ANGPTL2: variants seen among roughly 807,000 people sequenced by gnomAD.
The protein encoded by ANGPTL2 is angiopoietin-related protein 2.
ANGPTL2 carries 25 observed loss-of-function variants against 52.8 expected under a neutral mutation model. That is an observed-to-expected ratio of 0.47 (90% CI 0.35 to 0.66). The LOEUF (loss-of-function observed/expected upper bound fraction) is 0.66, where lower values mean the gene tolerates loss of function less well. ANGPTL2 is among the 30% of genes least tolerant of loss of function. The pLI, the probability that ANGPTL2 is intolerant of heterozygous loss-of-function variation, is 0.01. For missense variants in ANGPTL2, 546 were observed against 656.9 expected (o/e 0.83, Z 1.84); for synonymous variants, 276 against 277.4 (o/e 1.00, Z 0.05).
In ANGPTL2 at chr9:127,105,463, A is replaced by G. The variant is rs570998575; in HGVS notation, c.817+2452T>C. Among the ~76,000 whole-genome samples, 6 of 152,280 alleles carry G rather than the reference A, an allele frequency of 3.9e-5. No individual in the cohort carries two copies. In the South Asian group the frequency reaches 1.2e-3, roughly 32 times the overall value. On this transcript the variant is annotated intron_variant, in intron 2 of 4. Coordinates refer to ENST00000373425, the MANE Select transcript of ANGPTL2 (RefSeq NM_012098.3). Reference sequence around the variant, plus strand: ...GACTCATCTCCATCAGGGACCCACTAGTCACTTGGGTTCCCAACTCCCAGG... The same window carrying G: ...GACTCATCTCCATCAGGGACCCACTGGTCACTTGGGTTCCCAACTCCCAGG...
intron 2 of ANGPTL2, among the ~76,000 whole-genome samples, chr9:127,096,357 G>T (rs1433560351): frequency 6.6e-6 from 1 of 152,274 alleles, no homozygotes; most frequent in South Asian, 2.1e-4. Context: ...CACAGGAGAG[G>T]CCGTTCGATG....
chr9:127,109,560 G>A (rs148140881), intron 1 of ANGPTL2, among the ~76,000 whole-genome samples: 141 of 152,314 alleles, frequency 9.3e-4, no homozygotes, highest in Non-Finnish European at 1.8e-3. Flanking sequence ...GCACAGTCCT[G>A]ACCACTGCAA....
intron 1 of ANGPTL2, among the ~76,000 whole-genome samples, chr9:127,120,712 C>T (rs886994791): frequency 9.2e-5 from 14 of 151,964 alleles, no homozygotes; most frequent in African/African-American, 3.4e-4. Context: ...CCTGTAGCCC[C>T]AGCTACTCGG....
intron 3 of ANGPTL2, 74 bp downstream of exon 3, chr9:127,093,659 T>C: frequency 6.4e-7 from 1 of 1,557,468 alleles, no homozygotes; most frequent in East Asian, 2.2e-5. Context: ...GGCTCTTCTA[T>C]TGGTTGCTCA....
At chr9:127,089,225 C>T in intron 4 of ANGPTL2, 87 bp from the exon 5 acceptor site, 1 of 1,394,664 alleles carries the variant, frequency 7.2e-7, no homozygotes, top group South Asian at 1.2e-5. Context: ...GCAAAGCCCT[C>T]TCTGGGAGGC....
chr9:127,098,038 G>A (rs2053326947), intron 2 of ANGPTL2, among the ~76,000 whole-genome samples: 1 of 152,186 alleles, frequency 6.6e-6, no homozygotes, highest in African/African-American at 2.4e-5. Flanking sequence ...ATAGATGAAA[G>A]CTGACATTTT....
chr9:127,093,186 A>G (rs947552579), intron 3 of ANGPTL2, among the ~76,000 whole-genome samples: 3 of 152,130 alleles, frequency 2.0e-5, no homozygotes, highest in African/African-American at 7.2e-5. Context: ...TGTATGACTG[A>G]GTCCTGGCAA....
intron 1 of ANGPTL2, among the ~76,000 whole-genome samples, chr9:127,119,708 C>T (rs772488172): frequency 5.9e-5 from 9 of 152,162 alleles, no homozygotes; most frequent in Non-Finnish European, 1.2e-4. Flanking sequence ...TTGCTCTGCC[C>T]GTGAGCTTCA....
At chr9:127,112,419 C>T (rs926663483) in intron 1 of ANGPTL2, among the ~76,000 whole-genome samples, 2 of 152,232 alleles carry the variant, frequency 1.3e-5, no homozygotes, top group African/African-American at 2.4e-5. Flanking sequence ...GTGACAGACA[C>T]CTCTCTGTGC....
intron 4 of ANGPTL2, among the ~76,000 whole-genome samples, 200 bp from the exon 5 acceptor site, chr9:127,089,338 T>G (rs1345310348): frequency 6.6e-6 from 1 of 152,190 alleles, no homozygotes; most frequent in African/African-American, 2.4e-5. Flanking sequence ...TAACTAGCTG[T>G]GTGATCTCAG....
In ANGPTL2 at chr9:127,087,941, C is replaced by T. The variant is rs2051964913; in HGVS notation, c.*998G>A. 6.6e-6 allele frequency: 1 copy of T among 152,620 alleles called. No individual in the cohort carries two copies. Among genetic ancestry groups the T allele is most frequent in the South Asian group, 2.1e-4 (1 of 4,824 alleles). 9.5% of individuals were successfully genotyped at this position (152,620 alleles called of 1,614,324 possible). A position where few individuals can be genotyped will look rare whatever the true frequency, so the allele number is the denominator to read the frequency against. ...TAAAGTATGAATGGAAGATACAAAA[C>T]TGCGAGTACATTATCTATACGGCCG... On this transcript the variant is annotated 3_prime_UTR_variant, in exon 5 of 5. Coordinates refer to ENST00000373425, the MANE Select transcript of ANGPTL2 (RefSeq NM_012098.3).
At position 127,091,606 on chromosome 9, in the gene ANGPTL2, G is replaced by A; in HGVS notation, c.1282+64C>T. The stretch of plus-strand genomic sequence containing the variant: ...CCCGTTTCCAAGCCCTGGAGTCAGG[G>A]GCTCTGGCTCTGGTTGACCTCTTTT... On this transcript the variant is annotated intron_variant, in intron 4 of 4. Coordinates refer to ENST00000373425, the MANE Select transcript of ANGPTL2 (RefSeq NM_012098.3). This position sits in a 1 kb window ranked among gnomAD's most constrained non-coding sequence, Gnocchi z 4.3. The A allele has an allele frequency of 1.9e-6, 3 of 1,561,596 alleles. No homozygotes were observed. Among genetic ancestry groups the A allele is most frequent in the Non-Finnish European group, 2.6e-6 (3 of 1,153,202 alleles).
intron 3 of ANGPTL2, among the ~76,000 whole-genome samples, chr9:127,093,233 G>C (rs1328961528): frequency 6.6e-6 from 1 of 152,096 alleles, no homozygotes; most frequent in African/African-American, 2.4e-5. Flanking sequence ...TCAACTCCCT[G>C]GGAACCAGGG....
intron 2 of ANGPTL2, among the ~76,000 whole-genome samples, chr9:127,097,036 G>A (rs182846047): frequency 2.6e-5 from 4 of 152,310 alleles, no homozygotes; most frequent in East Asian, 3.9e-4. Flanking sequence ...CAACCAGAAC[G>A]AACTCAAGAA....
Position 127,088,859 on chromosome 9 carries a change from A to G in ANGPTL2, c.*80T>C, listed in dbSNP as rs971744244. On this transcript the variant is annotated 3_prime_UTR_variant, in exon 5 of 5. Transcript: ENST00000373425. ...CCAGCCTCAGGATGAACTGGTGAGG[A>G]GTTGTTCTTTGTGCTGTGGCCAGCG... is the stretch of plus-strand genomic sequence containing the variant. The G allele has an allele frequency of 1.1e-5, 16 of 1,518,812 alleles. No homozygotes were observed. Among genetic ancestry groups the G allele is most frequent in the Admixed American group, 1.7e-5 (1 of 59,172 alleles). The allele number at this position is 1,518,812 out of a possible 1,614,324, so 94.1% of individuals were successfully genotyped here.
rs7024286 is a variant in ANGPTL2 at position 127,089,014 on chromosome 9, A to C, written c.1407T>G (p.Ala469=). The C allele has an allele frequency of 2.0e-3, 3,209 of 1,614,224 alleles. 57 individuals carry two copies. In the African/African-American group the frequency reaches 0.039, roughly 20 times the overall value. Reference sequence around the variant, plus strand: ...GTGAGTAAGAGCCTCCTCGGAACTCAGCCCAGTAGACTCCGTCCTGGTAGC... The same window carrying C: ...GTGAGTAAGAGCCTCCTCGGAACTCCGCCCAGTAGACTCCGTCCTGGTAGC... The part of the protein sequence containing the change: ...RSRYQDGVYW[A]EFRGGSYSLK... Residue 469 remains alanine, a synonymous_variant, in exon 5 of 5, where the codon GCT becomes GCG. Transcript: ENST00000373425.
chr9:127,115,564 T>G (rs1361144186), intron 1 of ANGPTL2, among the ~76,000 whole-genome samples: 1 of 152,230 alleles, frequency 6.6e-6, no homozygotes, highest in Non-Finnish European at 1.5e-5. Context: ...TCAAGATCAC[T>G]TGGAAGTAAA....
intron 1 of ANGPTL2, among the ~76,000 whole-genome samples, chr9:127,120,002 A>T (rs1340438136): frequency 6.6e-6 from 1 of 152,236 alleles, no homozygotes; most frequent in East Asian, 1.9e-4. Context: ...CAGGGAGCCC[A>T]CTGGAACCTC....
intron 1 of ANGPTL2, 103 bp from the exon 2 acceptor site, chr9:127,108,883 A>G (rs1487261752): frequency 9.6e-6 from 8 of 834,890 alleles, no homozygotes; most frequent in Middle Eastern, 3.7e-4. Context: ...GAGCTTTCCA[A>G]AAACTCTGCT....
Sources: allele counts gnomAD v4.1 joint callset (sites outside exome capture counted in the v4.1 genomes callset), GRCh38; gene constraint gnomAD v4.1.1; non-coding constraint Gnocchi (gnomAD v3.1); transcripts MANE v1.5; gene names NCBI Gene and HGNC (gene_info 2026-07-23, HGNC 2026-07-21).